Variants in ABCB11 observed in about 807,000 individuals in gnomAD.
ABCB11 encodes the protein ATP binding cassette subfamily B member 11, also known as bile salt export pump.
Under a neutral mutation model 148.0 loss-of-function variants are expected in ABCB11, and 95 were observed. The observed-to-expected ratio is 0.64, with a 90% CI of 0.54 to 0.76. The LOEUF is 0.76. ABCB11 is among the 30% of genes least tolerant of loss of function. ABCB11 has a pLI of 0.00. For synonymous variants in ABCB11, 591 were observed against 555.4 expected (o/e 1.06, Z -0.90); for missense variants, 1,523 against 1,617.8 (o/e 0.94, Z 1.01).
At chr2:168,979,484 T>C (rs1051719685) in intron 11 of ABCB11, among the ~76,000 whole-genome samples, 2 of 152,090 alleles carry the variant, frequency 1.3e-5, no homozygotes, top group Non-Finnish European at 2.9e-5. Context: ...TCTTTGAATG[T>C]GCATACTTCT....
intron 21 of ABCB11, among the ~76,000 whole-genome samples, chr2:168,937,912 C>A (rs1038064205): frequency 6.6e-6 from 1 of 152,126 alleles, no homozygotes; most frequent in Non-Finnish European, 1.5e-5. Context: ...TCCAATGGTT[C>A]CAAATCGTCG....
At chr2:168,970,706 T>A (rs1256637853) in intron 14 of ABCB11, 5 of 245,634 alleles carry the variant, frequency 2.0e-5, no homozygotes, top group Non-Finnish European at 3.2e-5. Flanking sequence ...CATTGGAATC[T>A]AATAATTAGG....
At position 168,975,044 on chromosome 2, in the gene ABCB11, GTATA is replaced by G. The variant is rs1157145642; in HGVS notation, c.1309-1208_1309-1205del. ...ACCTACATACTGATAATGTAGGTAT[GTATA>G]TATAGATATAAAATATAGATAAATA... On this transcript the variant is annotated intron_variant, in intron 12 of 27. Transcript: ENST00000650372. Among the ~76,000 whole-genome samples, 7 of 142,500 alleles carry G rather than the reference GTATA, an allele frequency of 4.9e-5. No individual in the cohort carries two copies. The South Asian group carries it at 1.3e-3, about 27-fold the overall frequency. The allele number at this position is 142,500 out of a possible 152,430, so 93.5% of individuals were successfully genotyped here. A position where few individuals can be genotyped will look rare whatever the true frequency, so the allele number is the denominator to read the frequency against.
chr2:168,922,680 C>A lies in ABCB11; in HGVS notation c.*942G>T, dbSNP rs530771576. On this transcript the variant is annotated 3_prime_UTR_variant, in exon 28 of 28. Transcript: ENST00000650372. ...GTGTTTTCTTCATTCTTGTAGATTC[C>A]TGCCGCCTTTAGTTCTATGTCATTC... Among the ~76,000 whole-genome samples the A allele has an allele frequency of 6.6e-6, 1 of 152,264 alleles. No individual in the cohort carries two copies. The highest frequency in any genetic ancestry group is 2.1e-4 in the South Asian group (1 of 4,826).
In ABCB11 at chr2:168,940,469, C is replaced by A. The variant is rs190764853; in HGVS notation, c.2611-4036G>T. ...AACCTAATTCAGAACAAGGCCCTAACTCTCTTCAATTCTAGTAAGGCTGAG... is the reference window on the plus strand; with the variant it reads ...AACCTAATTCAGAACAAGGCCCTAAATCTCTTCAATTCTAGTAAGGCTGAG... On this transcript the variant is annotated intron_variant, in intron 21 of 27. Transcript: ENST00000650372. Among the ~76,000 whole-genome samples, 14 of 152,188 alleles carry A rather than the reference C, an allele frequency of 9.2e-5. 1 individual carries two copies. The highest frequency in any genetic ancestry group is 1.6e-4 in the Non-Finnish European group (11 of 67,974).
chr2:168,930,610 G>T, intron 25 of ABCB11, 55 bp downstream of exon 25: 1 of 1,361,890 alleles, frequency 7.3e-7, no homozygotes. Flanking sequence ...CCCACTTTTA[G>T]GGGTTGGAAA....
chr2:168,935,318 G>T lies in ABCB11; in HGVS notation c.2922C>A (p.Ala974=). ...ATCCGTAAATATTGGCTTTCTGAAT[G>T]GCTGTCTTGAAGGGCTTCTCCAGCT... The part of the protein sequence containing the change: ...ETELEKPFKT[A]IQKANIYGFC... Residue 974 remains alanine (A), a synonymous_variant, in exon 23 of 28, where the codon GCC becomes GCA. Transcript: ENST00000650372. 6.2e-7 allele frequency: 1 copy of T among 1,614,030 alleles called. No individual in the cohort carries two copies. The highest frequency in any genetic ancestry group is 8.5e-7 in the Non-Finnish European group (1 of 1,179,884).
At chr2:168,973,270 C>T (rs1421779500) in intron 13 of ABCB11, among the ~76,000 whole-genome samples, 2 of 149,272 alleles carry the variant, frequency 1.3e-5, no homozygotes, top group Admixed American at 1.3e-4. Flanking sequence ...CACTGGCAAA[C>T]ATCACAGTGT....
At position 168,927,349 on chromosome 2, in the gene ABCB11, T is replaced by G; in HGVS notation, c.3425A>C (p.His1142Pro). The G allele has an allele frequency of 6.2e-7, 1 of 1,613,730 alleles. No individual in the cohort carries two copies. The highest frequency in any genetic ancestry group is 2.2e-5 in the East Asian group (1 of 44,888). Residue 1142 changes from histidine to proline, a missense_variant, in exon 26 of 28, where the codon CAT becomes CCT. Transcript: ENST00000650372. ...PDQGKVMIDG[H>P]DSKKVNVQFL... ...CTGGACATTTACTTTTTTGCTGTCA[T>G]GACCATCTATCATCTGCCAATAGAG...
At chr2:168,973,935 G>C in intron 12 of ABCB11, 95 bp from the exon 13 acceptor site, 1 of 1,383,428 alleles carries the variant, frequency 7.2e-7, no homozygotes, top group Non-Finnish European at 9.9e-7. Context: ...TTGATACTCG[G>C]TGTCTGTGTG....
chr2:168,994,806 C>T (rs1289987960), intron 7 of ABCB11, among the ~76,000 whole-genome samples: 1 of 152,030 alleles, frequency 6.6e-6, no homozygotes, highest in Non-Finnish European at 1.5e-5. Flanking sequence ...GAACCTAAGA[C>T]ATCACCCAGG....
intron 19 of ABCB11, among the ~76,000 whole-genome samples, chr2:168,952,835 G>T (rs952076569): frequency 1.3e-5 from 2 of 151,238 alleles, no homozygotes; most frequent in African/African-American, 4.8e-5. Context: ...TTTTATGTAG[G>T]CATTTAATGC....
chr2:168,969,695 G>T, intron 15 of ABCB11, 144 bp from the exon 16 acceptor site: 1 of 792,842 alleles, frequency 1.3e-6, no homozygotes, highest in African/African-American at 1.7e-5. Flanking sequence ...ATTAGAAAAG[G>T]CCAGCACATT....
intron 5 of ABCB11, among the ~76,000 whole-genome samples, chr2:169,005,046 T>A (rs1694979604): frequency 6.6e-6 from 1 of 152,096 alleles, no homozygotes; most frequent in Admixed American, 6.5e-5. Flanking sequence ...CTGCACCTGG[T>A]GGAGGCAGCA....
Position 168,979,990 on chromosome 2 carries a change from A to G in ABCB11, c.1084-11T>C. On this transcript the variant is annotated splice_polypyrimidine_tract_variant and intron_variant, in intron 10 of 27. Transcript: ENST00000650372. ...GACACTGAGGAAAATCTGAAATGAA[A>G]AGAGAGAGATTTTTCATGTGTTTTT... 6.6e-7 allele frequency: 1 copy of G among 1,521,776 alleles called. No homozygotes were observed. The highest frequency in any genetic ancestry group is 9.1e-7 in the Non-Finnish European group (1 of 1,097,864). The allele number at this position is 1,521,776 out of a possible 1,614,324, so 94.3% of individuals were successfully genotyped here.
At chr2:168,927,751 C>T (rs1691380686) in intron 25 of ABCB11, among the ~76,000 whole-genome samples, 1 of 152,160 alleles carries the variant, frequency 6.6e-6, no homozygotes, top group Non-Finnish European at 1.5e-5. Flanking sequence ...CTCTGTGAAG[C>T]TTTTGGGCAA....
intron 18 of ABCB11, 82 bp from the exon 19 acceptor site, chr2:168,958,210 A>G: frequency 7.2e-7 from 1 of 1,385,200 alleles, no homozygotes; most frequent in Non-Finnish European, 1.0e-6. Context: ...TCACAGATTT[A>G]AGAGTCATAG....
In ABCB11 at chr2:168,964,307, C is replaced by T. The variant is rs748837264; in HGVS notation, c.2077G>A (p.Ala693Thr). 3.2e-6 allele frequency: 5 copies of T among 1,558,478 alleles called. No individual in the cohort carries two copies. The Admixed American group carries it at 9.6e-5, about 30-fold the overall frequency. ...GACTTGGAGCGTTGCCGGATGGAAG[C>T]CCTGTAAATAAACAGAAAGATGAAA... ...SRGSYQDSLR[A>T]SIRQRSKSQL... Residue 693 changes from alanine to threonine, a missense_variant and splice_region_variant, in exon 18 of 28, where the codon GCT becomes ACT. Coordinates refer to ENST00000650372, the MANE Select transcript of ABCB11 (RefSeq NM_003742.4).
At chr2:168,935,903 A>T (rs1691797539) in intron 22 of ABCB11, among the ~76,000 whole-genome samples, 1 of 152,192 alleles carries the variant, frequency 6.6e-6, no homozygotes, top group Admixed American at 6.5e-5. Flanking sequence ...CAAAAGCTTC[A>T]CGGCCAGAAA....
Sources: allele counts gnomAD v4.1 joint callset (sites outside exome capture counted in the v4.1 genomes callset), GRCh38; gene constraint gnomAD v4.1.1; transcripts MANE v1.5; gene names NCBI Gene and HGNC (gene_info 2026-07-23, HGNC 2026-07-21).